The following NLGN1 variants were observed in gnomAD, a reference collection of about 807,000 sequenced individuals.
The protein encoded by NLGN1 is neuroligin-1.
NLGN1 carries 12 observed loss-of-function variants against 65.5 expected under a neutral mutation model. The observed-to-expected ratio is 0.18, with a 90% CI of 0.12 to 0.30. The LOEUF (loss-of-function observed/expected upper bound fraction) is 0.30. NLGN1 is among the 10% of genes least tolerant of loss of function. The pLI is 1.00. For synonymous variants in NLGN1, 350 were observed against 359.5 expected, an observed-to-expected ratio of 0.97 and a Z score of 0.30; for missense variants, 750 against 1,007.1, an observed-to-expected ratio of 0.74 and a Z score of 3.46.
chr3:174,201,378 A>G lies in NLGN1; in HGVS notation c.647-73937A>G, dbSNP rs797018174. ...AGGAAGGAAGGAAGGAAGGAAGGAA[A>G]GAAGGAAGGAAGGAAGGAAAGGGAA... On this transcript the variant is annotated intron_variant, in intron 4 of 6. Coordinates refer to ENST00000457714, the Ensembl canonical transcript of NLGN1. Among the ~76,000 whole-genome samples, 129 of 84,212 alleles carry G rather than the reference A, an allele frequency of 1.5e-3. 1 individual carries two copies. Among genetic ancestry groups the G allele is most frequent in the Admixed American group, 4.5e-3 (37 of 8,198 alleles). The allele number at this position is 84,212 out of a possible 152,430, so 55.2% of individuals were successfully genotyped here.
Position 173,865,097 on chromosome 3 carries a change from T to A in NLGN1, c.646+57265T>A, listed in dbSNP as rs902694816. The stretch of plus-strand genomic sequence containing the variant: ...ACTAATGCCAGGGTAAGATTGTGAA[T>A]TCAGCATGATATTTGTCAAAGTGAA... On this transcript the variant is annotated intron_variant, in intron 4 of 6. Transcript: ENST00000457714. Among the ~76,000 whole-genome samples, 3 of 152,160 alleles carry A rather than the reference T, an allele frequency of 2.0e-5. No individual in the cohort carries two copies. In the East Asian group the frequency reaches 5.8e-4, roughly 29 times the overall value.
At chr3:173,440,064 A>G (rs1347659071) in intron 2 of NLGN1, among the ~76,000 whole-genome samples, 2 of 152,158 alleles carry the variant, frequency 1.3e-5, no homozygotes, top group Admixed American at 1.3e-4. Flanking sequence ...TATGTGATGT[A>G]CTAAATCCTT....
At chr3:173,407,519 T>C (rs1239770376) in intron 1 of NLGN1, among the ~76,000 whole-genome samples, 1 of 152,232 alleles carries the variant, frequency 6.6e-6, no homozygotes, top group Non-Finnish European at 1.5e-5. Flanking sequence ...CATGATTACA[T>C]AATTACTAGA....
chr3:173,687,800 G>A (rs894163274), intron 3 of NLGN1, among the ~76,000 whole-genome samples: 13 of 152,176 alleles, frequency 8.5e-5, no homozygotes, highest in African/African-American at 2.9e-4. Context: ...AGAACAGCTA[G>A]CAAGTATTTC....
rs577118002 is a variant in NLGN1 at position 173,819,586 on chromosome 3, A to G, written c.646+11754A>G. 9.9e-5 allele frequency among the ~76,000 whole-genome samples: 15 copies of G among 152,184 alleles called. No homozygotes were observed. The South Asian group carries it at 3.1e-3, about 32-fold the overall frequency. On this transcript the variant is annotated intron_variant, in intron 4 of 6. Coordinates refer to ENST00000457714, the Ensembl canonical transcript of NLGN1. ...CATCTTTCTCAATCGTTGTAGCTCT[A>G]TTATCTTTCTCCCTTCAATTCTTTG... is the stretch of plus-strand genomic sequence containing the variant.
chr3:173,974,674 A>C (rs1307687758), intron 4 of NLGN1, among the ~76,000 whole-genome samples: 1 of 152,084 alleles, frequency 6.6e-6, no homozygotes, highest in Non-Finnish European at 1.5e-5. Flanking sequence ...AAGCTTTAAG[A>C]TTCCTTCCTG....
rs1751358879 is a variant in NLGN1, at chr3:174,280,503, C to G, written c.1672C>G (p.Gln558Glu). ...TAGTGACCCAAATCAACCAGTCCCT[C>G]AAGACACGAAATTCATTCATACCAA... The change falls in exon 7 of 7, where the codon CAA becomes GAA. Residue 558 changes from glutamine (Q) to glutamate (E), a missense_variant. Gln to Glu is a conservative substitution (Grantham distance 29, BLOSUM62 2). Coordinates refer to ENST00000457714, the Ensembl canonical transcript of NLGN1. The surrounding 1 kb of genome is among the most constrained non-coding windows in gnomAD (Gnocchi z 4.9). The G allele has an allele frequency of 1.9e-6, 3 of 1,610,292 alleles. No homozygotes were observed. The highest frequency in any genetic ancestry group is 3.4e-5 in the Admixed American group (2 of 59,550).
intron 3 of NLGN1, among the ~76,000 whole-genome samples, chr3:173,734,253 T>C (rs1041448273): frequency 2.6e-5 from 4 of 152,044 alleles, no homozygotes; most frequent in Non-Finnish European, 4.4e-5. Flanking sequence ...CCTAATTTAT[T>C]TGGCTGATCA....
At chr3:174,141,538 T>C (rs1722273551) in intron 4 of NLGN1, among the ~76,000 whole-genome samples, 1 of 152,208 alleles carries the variant, frequency 6.6e-6, no homozygotes, top group African/African-American at 2.4e-5. Flanking sequence ...AAATCTAAGA[T>C]ACTTAAGGAA....
intron 4 of NLGN1, among the ~76,000 whole-genome samples, chr3:174,271,374 T>C (rs1003180926): frequency 1.3e-5 from 2 of 151,724 alleles, no homozygotes; most frequent in African/African-American, 4.8e-5. Flanking sequence ...TAAGTATAAA[T>C]TGAGTCAACC....
Position 174,279,450 on chromosome 3 carries a change from G to A in NLGN1, c.1449G>A (p.Thr483=), listed in dbSNP as rs370462767. The A allele has an allele frequency of 2.4e-5, 39 of 1,613,096 alleles. No homozygotes were observed. The highest frequency in any genetic ancestry group is 6.7e-5 in the Admixed American group (4 of 59,846). ...TTCACTCAAACTTTGGTTCACCTAC[G>A]TACTTCTATGCCTTTTACCATCATT... The change falls in exon 6 of 7, where the codon ACG becomes ACA. Residue 483 remains threonine (T), a synonymous_variant. Transcript: ENST00000457714. This position sits in a 1 kb window ranked among gnomAD's most constrained non-coding sequence, Gnocchi z 4.7.
rs116005170 is a variant in NLGN1, at chr3:174,046,257, G to A, written c.647-229058G>A. Among the ~76,000 whole-genome samples, 917 of 152,176 alleles carry A rather than the reference G, an allele frequency of 6.0e-3. 6 individuals are homozygous for A. The highest frequency in any genetic ancestry group is 0.051 in the Middle Eastern group (15 of 294). ...CAATAGTATTTCCTCAAATGGATTT[G>A]AATACAATGGTTTTGTTCTTTAAAT... is the stretch of plus-strand genomic sequence containing the variant. On this transcript the variant is annotated intron_variant, in intron 4 of 6. Coordinates refer to ENST00000457714, the Ensembl canonical transcript of NLGN1.
intron 4 of NLGN1, among the ~76,000 whole-genome samples, chr3:173,940,957 G>T (rs1434961226): frequency 1.3e-5 from 2 of 152,126 alleles, no homozygotes; most frequent in Admixed American, 1.3e-4. Context: ...GAAACTTCAT[G>T]ATTCTTACCC....
At chr3:173,645,729 G>A (rs1200949953) in intron 3 of NLGN1, among the ~76,000 whole-genome samples, 1 of 152,188 alleles carries the variant, frequency 6.6e-6, no homozygotes, top group African/African-American at 2.4e-5. Context: ...AGGTAATCCA[G>A]TATTAGAGAC....
intron 3 of NLGN1, among the ~76,000 whole-genome samples, chr3:173,612,437 T>G (rs933283787): frequency 1.3e-5 from 2 of 152,098 alleles, no homozygotes; most frequent in Non-Finnish European, 2.9e-5. Context: ...ATTGGCTCTT[T>G]CTGGAGGCTC....
chr3:173,812,386 C>A (rs1304435089), intron 4 of NLGN1, among the ~76,000 whole-genome samples: 1 of 151,982 alleles, frequency 6.6e-6, no homozygotes, highest in Non-Finnish European at 1.5e-5. Context: ...ATTAGACTAT[C>A]TATGCCATAA....
intron 3 of NLGN1, among the ~76,000 whole-genome samples, chr3:173,655,049 C>A (rs1410255160): frequency 1.3e-5 from 2 of 151,936 alleles, no homozygotes; most frequent in East Asian, 3.9e-4. Context: ...TATGAGTATT[C>A]AATAAGTTAA....
intron 4 of NLGN1, among the ~76,000 whole-genome samples, chr3:174,179,586 CTT>C (rs1410704649): frequency 2.0e-5 from 3 of 152,018 alleles, no homozygotes; most frequent in Non-Finnish European, 2.9e-5. Context: ...TATTTTTTAA[CTT>C]AAATTATTTC....
chr3:174,105,925 C>T (rs1469964775), intron 4 of NLGN1, among the ~76,000 whole-genome samples: 1 of 151,994 alleles, frequency 6.6e-6, no homozygotes, highest in Non-Finnish European at 1.5e-5. Context: ...GTTAATTGCT[C>T]AATGAAACAG....
Sources: gnomAD v4.1 joint callset for allele counts (sites outside exome capture counted in the v4.1 genomes callset) on GRCh38, gnomAD v4.1.1 for gene constraint, Gnocchi (gnomAD v3.1) non-coding constraint, MANE v1.5 for transcripts, NCBI Gene and HGNC (gene_info 2026-07-23, HGNC 2026-07-21) for gene names.